COPG2: variants seen among roughly 807,000 people sequenced by gnomAD.
COPG2 encodes the protein coatomer subunit gamma-2.
COPG2 carries 37 observed loss-of-function variants against 46.3 expected under a neutral mutation model. The ratio of observed to expected loss-of-function variants is 0.80; its 90% confidence interval spans 0.61 to 1.05. The LOEUF (loss-of-function observed/expected upper bound fraction) is 1.05, where lower values mean the gene tolerates loss of function less well. Among genes scored for constraint, COPG2 ranks in the 50% least tolerant of loss-of-function variants. COPG2 has a pLI of 0.00. For missense variants in COPG2, 427 were observed against 387.8 expected, an observed-to-expected ratio of 1.10 and a Z score of -0.85; for synonymous variants, 159 against 129.7, an observed-to-expected ratio of 1.23 and a Z score of -1.53.
intron 9 of COPG2, among the ~76,000 whole-genome samples, chr7:130,573,773 T>G (rs1357208162): frequency 2.0e-5 from 3 of 152,194 alleles, no homozygotes; most frequent in African/African-American, 7.2e-5. Flanking sequence ...TGAAGGTTTG[T>G]TCATAGCTAA....
rs546519382 is a variant in COPG2, at chr7:130,588,333, A to G, written c.737+22620T>C. Among the ~76,000 whole-genome samples, 405 of 152,018 alleles carry G rather than the reference A, an allele frequency of 2.7e-3. 5 individuals carry two copies. The highest frequency in any genetic ancestry group is 8.3e-3 in the African/African-American group (342 of 41,426). Reference sequence around the variant, plus strand: ...AGGACTACAAATCATGCTGCTATAAAGACACATGCACACGTATGTTTATTG... The same window carrying G: ...AGGACTACAAATCATGCTGCTATAAGGACACATGCACACGTATGTTTATTG... On this transcript the variant is annotated intron_variant, in intron 9 of 23. Transcript: ENST00000425248.
At chr7:130,591,144 G>A (rs1794405428) in intron 9 of COPG2, among the ~76,000 whole-genome samples, 2 of 133,308 alleles carry the variant, frequency 1.5e-5, no homozygotes, top group African/African-American at 2.8e-5. Flanking sequence ...GGGAGGTGGG[G>A]GGGGTCAGCC....
At chr7:130,532,121 A>G (rs1263864533) in intron 20 of COPG2, among the ~76,000 whole-genome samples, 2 of 152,190 alleles carry the variant, frequency 1.3e-5, no homozygotes, top group Non-Finnish European at 2.9e-5. Flanking sequence ...CACGTGCAGC[A>G]GGGTTGATGG....
At chr7:130,619,910 C>A (rs558726528) in intron 5 of COPG2, among the ~76,000 whole-genome samples, 1 of 152,260 alleles carries the variant, frequency 6.6e-6, no homozygotes, top group African/African-American at 2.4e-5. Flanking sequence ...TGGCTGAAGT[C>A]GGACTTAGTT....
chr7:130,573,213 C>CA (rs374780719), intron 9 of COPG2, among the ~76,000 whole-genome samples: 62,270 of 145,296 alleles, frequency 0.43, 15,636 homozygotes, highest in East Asian at 0.59. Context: ...AATCACACCT[C>CA]AAAAAAAAAA....
chr7:130,615,909 C>T (rs1238860512), intron 6 of COPG2, among the ~76,000 whole-genome samples: 2 of 152,152 alleles, frequency 1.3e-5, no homozygotes, highest in Non-Finnish European at 2.9e-5. Context: ...CAATAAATTT[C>T]CCCCACTCCT....
At chr7:130,605,147 T>C in intron 9 of COPG2, 2 of 511,730 alleles carry the variant, frequency 3.9e-6, no homozygotes, top group Non-Finnish European at 7.8e-6. Flanking sequence ...TTTTCTTTAA[T>C]CTGTTTTCTC....
At chr7:130,515,674 GC>G in intron 20 of COPG2, among the ~76,000 whole-genome samples, 1 of 152,096 alleles carries the variant, frequency 6.6e-6, no homozygotes, top group Non-Finnish European at 1.5e-5. Context: ...ATTAAAAGAA[GC>G]AACTGAAGAG....
chr7:130,607,541 A>G (rs1257701651), intron 9 of COPG2: 1 of 425,552 alleles, frequency 2.3e-6, no homozygotes, highest in Non-Finnish European at 4.6e-6. Flanking sequence ...TTTCCTCCAT[A>G]GTGAGTTGCA....
Position 130,638,548 on chromosome 7 carries a change from G to T in COPG2, c.323+14321C>A, listed in dbSNP as rs1484404461. ...TGTGAGCGGAAAACCACCTACTCAA[G>T]CCTCAGTAATGGCAGACACCCCTCC... is the stretch of plus-strand genomic sequence containing the variant. On this transcript the variant is annotated intron_variant, in intron 5 of 23. Transcript: ENST00000425248. Among the ~76,000 whole-genome samples the T allele has an allele frequency of 2.6e-5, 4 of 152,230 alleles. No homozygotes were observed. In the East Asian group the frequency reaches 7.7e-4, roughly 29 times the overall value.
intron 1 of COPG2, among the ~76,000 whole-genome samples, chr7:130,668,332 G>A (rs1202369350): frequency 6.6e-6 from 1 of 150,694 alleles, no homozygotes; most frequent in Non-Finnish European, 1.5e-5. Flanking sequence ...CCCCGCCGGA[G>A]GCCCGCGCGC....
intron 20 of COPG2, chr7:130,510,936 A>C (rs781968887): frequency 1.9e-6 from 1 of 520,090 alleles, no homozygotes; most frequent in Non-Finnish European, 3.8e-6. Context: ...GCAAATACCA[A>C]AGAGAATCAG....
chr7:130,590,937 C>T (rs1280440610), intron 9 of COPG2, among the ~76,000 whole-genome samples: 7 of 147,616 alleles, frequency 4.7e-5, no homozygotes, highest in South Asian at 4.3e-4. Flanking sequence ...CCCCTCTGCC[C>T]GGCAGCCACA....
rs1437112964 is a variant in COPG2 at position 130,564,296 on chromosome 7, T to C, written c.835A>G (p.Asn279Asp). 4 of 398,478 alleles carry C rather than the reference T, an allele frequency of 1.0e-5. No individual in the cohort carries two copies. Among genetic ancestry groups the C allele is most frequent in the African/African-American group, 8.2e-5 (4 of 48,620 alleles). The allele number at this position is 398,478 out of a possible 1,614,324, so 24.7% of individuals were successfully genotyped here. A position where few individuals can be genotyped will look rare whatever the true frequency, so the allele number is the denominator to read the frequency against. Reference protein sequence around the residue: ...EAASAIIHLPNCTARELAPAV... With the variant: ...EAASAIIHLPDCTARELAPAV... ...GGTGCCAACTCTCTTGCAGTGCAGT[T>C]AGGAAGATGGATGATAGCTGAAGCA... Residue 279 changes from asparagine to aspartate, a missense_variant, in exon 10 of 24, where the codon AAC becomes GAC. By Grantham distance (23) the Asn-to-Asp change is conservative (BLOSUM62 1). Transcript: ENST00000425248.
chr7:130,591,027 C>G (rs1554448742), intron 9 of COPG2, among the ~76,000 whole-genome samples: 1 of 151,040 alleles, frequency 6.6e-6, no homozygotes, highest in East Asian at 2.0e-4. Flanking sequence ...CGGCAGCCAC[C>G]CCCTCCAGGA....
chr7:130,647,660 C>T (rs1795642083), intron 5 of COPG2, among the ~76,000 whole-genome samples: 2 of 150,298 alleles, frequency 1.3e-5, no homozygotes, highest in Admixed American at 1.3e-4. Context: ...TTGGAATAGG[C>T]TTTTTTATTT....
chr7:130,597,871 T>C (rs1794560524), intron 9 of COPG2, among the ~76,000 whole-genome samples: 3 of 152,202 alleles, frequency 2.0e-5, no homozygotes, highest in Admixed American at 6.5e-5. Context: ...AGGAGGAAAG[T>C]GCAGAAATTG....
rs552135427 is a variant in COPG2 at position 130,599,839 on chromosome 7, G to A, written c.737+11114C>T. Reference sequence around the variant, plus strand: ...GCATTTCTGGGGTACAAAGAAATGTGCTACTTCCTAATACATGTGGTCATT... The same window carrying A: ...GCATTTCTGGGGTACAAAGAAATGTACTACTTCCTAATACATGTGGTCATT... On this transcript the variant is annotated intron_variant, in intron 9 of 23. Coordinates refer to ENST00000425248, the MANE Select transcript of COPG2 (RefSeq NM_012133.6). 3.3e-5 allele frequency among the ~76,000 whole-genome samples: 5 copies of A among 152,236 alleles called. No individual in the cohort carries two copies. The South Asian group carries it at 1.0e-3, about 32-fold the overall frequency.
At chr7:130,530,313 T>C (rs1003580094) in intron 20 of COPG2, among the ~76,000 whole-genome samples, 1 of 151,144 alleles carries the variant, frequency 6.6e-6, no homozygotes, top group Non-Finnish European at 1.5e-5. Flanking sequence ...GGTGAGGAAA[T>C]GAGGAAGAGA....
Sources: gnomAD v4.1 joint callset for allele counts (sites outside exome capture counted in the v4.1 genomes callset) on GRCh38, gnomAD v4.1.1 for gene constraint, MANE v1.5 for transcripts, NCBI Gene and HGNC (gene_info 2026-07-23, HGNC 2026-07-21) for gene names.